BASP1: variants seen among roughly 807,000 people sequenced by gnomAD.
BASP1 encodes the protein brain abundant membrane attached signal protein 1, also known as brain acid soluble protein 1.
Under a neutral mutation model 2.2 loss-of-function variants are expected in BASP1, and 1 was observed. That is an observed-to-expected ratio of 0.46 (90% CI 0.16 to 2.17). The LOEUF (loss-of-function observed/expected upper bound fraction) is 2.17. Among genes scored for constraint, BASP1 ranks in the 30% most tolerant of loss-of-function variants. The pLI, the probability that BASP1 is intolerant of heterozygous loss-of-function variation, is 0.27. For synonymous variants in BASP1, 187 were observed against 154.2 expected (o/e 1.21, Z -1.58); for missense variants, 352 against 327.2 (o/e 1.08, Z -0.58).
intron 1 of BASP1, among the ~76,000 whole-genome samples, chr5:17,264,331 C>G (rs1740374637): frequency 6.6e-6 from 1 of 152,126 alleles, no homozygotes; most frequent in Admixed American, 6.5e-5. Flanking sequence ...GTAGGTTTGA[C>G]CAATATCTTG....
chr5:17,250,650 G>C (rs900352256), intron 1 of BASP1, among the ~76,000 whole-genome samples: 1 of 152,094 alleles, frequency 6.6e-6, no homozygotes, highest in African/African-American at 2.4e-5. Context: ...TGTCGCCCAG[G>C]CTGGAGTGCA....
chr5:17,267,816 C>CCTT (rs1401834881), intron 1 of BASP1, among the ~76,000 whole-genome samples: 9 of 14,814 alleles, frequency 6.1e-4, no homozygotes, highest in Non-Finnish European at 1.3e-3. Flanking sequence ...CGCTCCCAGC[C>CCTT]CTTTTTTTTT....
intron 1 of BASP1, among the ~76,000 whole-genome samples, chr5:17,239,211 A>G (rs1161234674): frequency 6.6e-6 from 1 of 152,012 alleles, no homozygotes; most frequent in African/African-American, 2.4e-5. Flanking sequence ...CTCCTGCCTC[A>G]GCCTCCTGAG....
intron 1 of BASP1, among the ~76,000 whole-genome samples, chr5:17,259,659 T>C (rs1355861182): frequency 6.6e-6 from 1 of 152,166 alleles, no homozygotes; most frequent in African/African-American, 2.4e-5. Context: ...GAATTTTAGG[T>C]GGTCGTGAAA....
intron 1 of BASP1, among the ~76,000 whole-genome samples, chr5:17,272,021 G>GTGC (rs528626574): frequency 6.0e-5 from 9 of 149,638 alleles, no homozygotes; most frequent in Non-Finnish European, 1.2e-4. Flanking sequence ...AGCCGAGATT[G>GTGC]TGCTGCTGCT....
intron 1 of BASP1, among the ~76,000 whole-genome samples, chr5:17,238,608 T>G (rs1323722054): frequency 6.6e-6 from 1 of 152,194 alleles, no homozygotes; most frequent in Admixed American, 6.5e-5. Context: ...ATCACCGCAT[T>G]CATTCCAAAT....
chr5:17,254,885 G>A (rs1740171327), intron 1 of BASP1, among the ~76,000 whole-genome samples: 1 of 152,190 alleles, frequency 6.6e-6, no homozygotes, highest in African/African-American at 2.4e-5. Flanking sequence ...TCCCACATTG[G>A]ACAGACGATT....
chr5:17,228,471 G>C (rs1739563777), intron 1 of BASP1, among the ~76,000 whole-genome samples: 1 of 152,106 alleles, frequency 6.6e-6, no homozygotes, highest in Non-Finnish European at 1.5e-5. Flanking sequence ...CTTAAATGCA[G>C]GGAATTTAAC....
At chr5:17,232,488 G>A (rs1001719153) in intron 1 of BASP1, among the ~76,000 whole-genome samples, 3 of 152,174 alleles carry the variant, frequency 2.0e-5, no homozygotes, top group African/African-American at 2.4e-5. Context: ...ACTCTGCATC[G>A]TGAGTTCTAC....
intron 1 of BASP1, among the ~76,000 whole-genome samples, chr5:17,220,316 T>C (rs1213115863): frequency 1.3e-5 from 2 of 152,202 alleles, no homozygotes; most frequent in Non-Finnish European, 2.9e-5. Context: ...GTTATTATGA[T>C]TTAGAGAGCT....
chr5:17,237,911 C>G (rs955923809), intron 1 of BASP1, among the ~76,000 whole-genome samples: 1 of 152,054 alleles, frequency 6.6e-6, no homozygotes, highest in African/African-American at 2.4e-5. Context: ...GTGTCCGGCC[C>G]CCTGACATTG....
chr5:17,243,433 C>T (rs1325004157), intron 1 of BASP1, among the ~76,000 whole-genome samples: 3 of 152,308 alleles, frequency 2.0e-5, no homozygotes, highest in African/African-American at 4.8e-5. Context: ...GGGTTACAGG[C>T]ATGAGCCACC....
intron 1 of BASP1, among the ~76,000 whole-genome samples, chr5:17,218,666 G>A (rs2126483428): frequency 6.6e-6 from 1 of 152,278 alleles, no homozygotes; most frequent in South Asian, 2.1e-4. Flanking sequence ...GCCCCGCTGG[G>A]AGCGTAGGGT....
At chr5:17,234,148 CAAAA>C (rs1394822072) in intron 1 of BASP1, among the ~76,000 whole-genome samples, 252 of 151,970 alleles carry the variant, frequency 1.7e-3, no homozygotes, top group African/African-American at 5.7e-3. Context: ...AACAAACAAA[CAAAA>C]CAAACAAAAA....
intron 1 of BASP1, among the ~76,000 whole-genome samples, chr5:17,253,387 T>A (rs187886647): frequency 9.9e-5 from 15 of 152,274 alleles, no homozygotes; most frequent in Middle Eastern, 3.4e-3. Flanking sequence ...ATTCTTTGTA[T>A]TTTTTGCAGA....
In BASP1 at chr5:17,249,682, T is replaced by C. The variant is rs572432754; in HGVS notation, c.-9-25526T>C. ...TAATGTGACCACAACCTTTTTACCT[T>C]TTTTAAACTTCAATTTAGACTCTAT... On this transcript the variant is annotated intron_variant, in intron 1 of 1. Coordinates refer to ENST00000322611, the MANE Select transcript of BASP1 (RefSeq NM_006317.5). Among the ~76,000 whole-genome samples the C allele has an allele frequency of 3.9e-5, 6 of 152,168 alleles. No individual in the cohort carries two copies. In the East Asian group the frequency reaches 1.2e-3, roughly 29 times the overall value.
Position 17,266,026 on chromosome 5 carries a change from C to T in BASP1, c.-9-9182C>T, listed in dbSNP as rs564672962. ...AGGTCAGCTCAGTAACTCCAGTCGC[C>T]ACAGCAGTTGTTGGTCAAATTGGGT... On this transcript the variant is annotated intron_variant, in intron 1 of 1. Transcript: ENST00000322611. Among the ~76,000 whole-genome samples, 15 of 152,288 alleles carry T rather than the reference C, an allele frequency of 9.8e-5. No homozygotes were observed. The South Asian group carries it at 3.1e-3, about 32-fold the overall frequency.
rs1740296174 is a variant in BASP1, at chr5:17,260,661, C to CA, written c.-9-14546dup. Among the ~76,000 whole-genome samples the CA allele has an allele frequency of 6.6e-6, 1 of 152,126 alleles. No individual in the cohort carries two copies. On this transcript the variant is annotated intron_variant, in intron 1 of 1. Transcript: ENST00000322611. This position sits in a 1 kb window ranked among gnomAD's most constrained non-coding sequence, Gnocchi z 4.2. ...TCTAGTCAGGGACTCTTCCATCTTA[C>CA]AGTTCATAATTTGCAAATTAGATGT...
intron 1 of BASP1, among the ~76,000 whole-genome samples, chr5:17,229,080 G>A (rs1205537047): frequency 3.3e-5 from 5 of 152,138 alleles, no homozygotes; most frequent in Admixed American, 6.5e-5. Context: ...TGACCTGTTA[G>A]CAGTTGTTTG....
Sources: gnomAD v4.1 joint callset for allele counts (sites outside exome capture counted in the v4.1 genomes callset) on GRCh38, gnomAD v4.1.1 for gene constraint, Gnocchi (gnomAD v3.1) non-coding constraint, MANE v1.5 for transcripts, NCBI Gene and HGNC (gene_info 2026-07-23, HGNC 2026-07-21) for gene names.